The following ACVR1 variants were observed in gnomAD, a reference collection of about 807,000 sequenced individuals.
ACVR1 encodes activin A receptor type 1, also known as activin receptor type-1.
ACVR1 carries 38 observed loss-of-function variants against 57.1 expected under a neutral mutation model. The observed-to-expected ratio is 0.67, with a 90% confidence interval of 0.51 to 0.87. The LOEUF (loss-of-function observed/expected upper bound fraction) is 0.87, where lower values mean the gene tolerates loss of function less well. Among genes scored for constraint, ACVR1 ranks in the 40% least tolerant of loss-of-function variants. The pLI, the probability that ACVR1 is intolerant of heterozygous loss-of-function variation, is 0.00. For missense variants in ACVR1, 463 were observed against 638.2 expected (o/e 0.73, Z 2.96); for synonymous variants, 212 against 228.1 (o/e 0.93, Z 0.63).
At chr2:157,817,721 C>A (rs771319507) in intron 2 of ACVR1, among the ~76,000 whole-genome samples, 7 of 152,098 alleles carry the variant, frequency 4.6e-5, no homozygotes, top group Non-Finnish European at 8.8e-5. Context: ...AAAATTAGGG[C>A]CGGGCACAGT....
intron 1 of ACVR1, among the ~76,000 whole-genome samples, chr2:157,837,396 A>G (rs1391611198): frequency 1.3e-5 from 2 of 152,218 alleles, no homozygotes; most frequent in Non-Finnish European, 2.9e-5. Flanking sequence ...TCACTCAGAG[A>G]ACGGGTTCAG....
At chr2:157,751,558 T>C (rs1685193501) in intron 9 of ACVR1, among the ~76,000 whole-genome samples, 1 of 152,204 alleles carries the variant, frequency 6.6e-6, no homozygotes, top group African/African-American at 2.4e-5. Context: ...CCTGGAGCAA[T>C]TCTCAGCCCT....
intron 1 of ACVR1, chr2:157,875,000 A>C (rs1216526735): frequency 5.3e-5 from 2 of 37,432 alleles, no homozygotes; most frequent in Admixed American, 3.7e-4. Flanking sequence ...AGGGGAAAGG[A>C]GGGGTGGGGA....
At chr2:157,818,851 G>A (rs1688044784) in intron 1 of ACVR1, among the ~76,000 whole-genome samples, 1 of 151,964 alleles carries the variant, frequency 6.6e-6, no homozygotes, top group African/African-American at 2.4e-5. Flanking sequence ...GGCCGAGGCG[G>A]GCGGATCACG....
intron 1 of ACVR1, among the ~76,000 whole-genome samples, chr2:157,864,042 A>G (rs1436314141): frequency 6.6e-6 from 1 of 150,980 alleles, no homozygotes; most frequent in Non-Finnish European, 1.5e-5. Flanking sequence ...TATTTTTTTA[A>G]ATAGAGACGG....
chr2:157,805,241 A>T (rs1385554519), intron 2 of ACVR1, among the ~76,000 whole-genome samples: 3 of 152,220 alleles, frequency 2.0e-5, no homozygotes. Context: ...CAAAATGTTC[A>T]TTTATCTTGC....
At chr2:157,839,966 C>T (rs1163923463) in intron 1 of ACVR1, among the ~76,000 whole-genome samples, 2 of 152,188 alleles carry the variant, frequency 1.3e-5, no homozygotes, top group Non-Finnish European at 2.9e-5. Context: ...TCCTATTCTG[C>T]ATGCTGAGGT....
chr2:157,739,716 T>C (rs1684679489), intron 9 of ACVR1, among the ~76,000 whole-genome samples: 1 of 152,148 alleles, frequency 6.6e-6, no homozygotes, highest in Non-Finnish European at 1.5e-5. Flanking sequence ...ATCACAGAAA[T>C]TACTCAACAG....
At chr2:157,835,266 G>A (rs1017621037) in intron 1 of ACVR1, among the ~76,000 whole-genome samples, 3 of 152,052 alleles carry the variant, frequency 2.0e-5, no homozygotes, top group Admixed American at 1.3e-4. Flanking sequence ...CCTGCCATGC[G>A]CTATCTTTAA....
intron 8 of ACVR1, 73 bp downstream of exon 8, chr2:157,765,848 G>A (rs977106113): frequency 1.3e-6 from 2 of 1,489,964 alleles, no homozygotes; most frequent in Non-Finnish European, 1.9e-6. Context: ...TGTTGTGGGG[G>A]AGAGATGCAA....
intron 2 of ACVR1, among the ~76,000 whole-genome samples, chr2:157,803,291 C>A (rs1264793373): frequency 6.6e-6 from 1 of 152,052 alleles, no homozygotes; most frequent in East Asian, 1.9e-4. Flanking sequence ...AAATTCAGAC[C>A]CTCAAACAGT....
At chr2:157,759,710 T>A (rs1685567430) in intron 9 of ACVR1, among the ~76,000 whole-genome samples, 1 of 151,966 alleles carries the variant, frequency 6.6e-6, no homozygotes, top group Non-Finnish European at 1.5e-5. Flanking sequence ...ACAAGCAAAC[T>A]GAATCCAACA....
At chr2:157,790,963 G>A (rs944846510) in intron 3 of ACVR1, among the ~76,000 whole-genome samples, 2 of 152,148 alleles carry the variant, frequency 1.3e-5, no homozygotes, top group African/African-American at 2.4e-5. Flanking sequence ...ATGACATGGT[G>A]ACCGCTCATG....
chr2:157,841,896 A>G (rs1688990097), intron 1 of ACVR1, among the ~76,000 whole-genome samples: 1 of 151,850 alleles, frequency 6.6e-6, no homozygotes, highest in Non-Finnish European at 1.5e-5. Context: ...GCGTTGTGGC[A>G]GGCGCCTGTA....
chr2:157,778,088 C>A, intron 5 of ACVR1, 43 bp downstream of exon 5: 1 of 1,600,170 alleles, frequency 6.2e-7, no homozygotes, highest in Non-Finnish European at 8.6e-7. Flanking sequence ...TGTCTCCAGA[C>A]ACCTTCCTTA....
chr2:157,857,690 G>A (rs1689583373), intron 1 of ACVR1, among the ~76,000 whole-genome samples: 1 of 152,100 alleles, frequency 6.6e-6, no homozygotes, highest in Admixed American at 6.5e-5. Context: ...ATAGACAAAG[G>A]CTGAATACTT....
chr2:157,804,912 A>G (rs1166986314), intron 2 of ACVR1, among the ~76,000 whole-genome samples: 2 of 152,206 alleles, frequency 1.3e-5, no homozygotes, highest in Non-Finnish European at 2.9e-5. Flanking sequence ...GCTTAGCTCA[A>G]TTTCTAATGT....
rs1690269154 is a variant in ACVR1 at position 157,875,806 on chromosome 2, G to C, written c.-193C>G. 1.3e-5 allele frequency: 2 copies of C among 151,604 alleles called. No individual in the cohort carries two copies. The highest frequency in any genetic ancestry group is 3.0e-5 in the Non-Finnish European group (2 of 67,462). The allele number at this position is 151,604 out of a possible 1,614,324, so 9.4% of individuals were successfully genotyped here. ...GCGACCTGCGCTCACCTCGGGTCCCGCCGCGGCCGGGGGCTGAGCCGGGGG... is the reference window on the plus strand; with the variant it reads ...GCGACCTGCGCTCACCTCGGGTCCCCCCGCGGCCGGGGGCTGAGCCGGGGG... On this transcript the variant is annotated 5_prime_UTR_variant, in exon 1 of 11. Coordinates refer to ENST00000434821, the MANE Select transcript of ACVR1 (RefSeq NM_001111067.4).
chr2:157,797,239 CAAA>C (rs1342624369), intron 3 of ACVR1, among the ~76,000 whole-genome samples: 2 of 152,124 alleles, frequency 1.3e-5, no homozygotes, highest in East Asian at 1.9e-4. Flanking sequence ...AGGAACAGAT[CAAA>C]TATTATGAAC....
Sources: allele counts gnomAD v4.1 joint callset (sites outside exome capture counted in the v4.1 genomes callset), GRCh38; gene constraint gnomAD v4.1.1; transcripts MANE v1.5; gene names NCBI Gene and HGNC (gene_info 2026-07-23, HGNC 2026-07-21).